Variants in MUC5B observed in about 807,000 individuals in gnomAD.
MUC5B encodes the protein mucin 5B, oligomeric mucus/gel-forming, also known as mucin-5B.
A neutral mutation model predicts 376.9 loss-of-function variants in MUC5B; 116 were observed. The observed-to-expected ratio is 0.31, with a 90% confidence interval of 0.26 to 0.36. The LOEUF is 0.36. Among genes scored for constraint, MUC5B ranks in the 10% least tolerant of loss-of-function variants. MUC5B has a pLI of 1.00. For synonymous variants in MUC5B, 3,517 were observed against 3,390.9 expected, an observed-to-expected ratio of 1.04 and a Z score of -1.29; for missense variants, 7,165 against 7,769.9, an observed-to-expected ratio of 0.92 and a Z score of 2.93.
In MUC5B at chr11:1,243,882, T is replaced by A; in HGVS notation, c.7002T>A (p.Ser2334=). The A allele has an allele frequency of 6.2e-7, 1 of 1,610,744 alleles. No individual in the cohort carries two copies. Among genetic ancestry groups the A allele is most frequent in the Non-Finnish European group, 8.5e-7 (1 of 1,179,278 alleles). The change falls in exon 31 of 49, where the codon TCT becomes TCA. Residue 2334 remains serine, a synonymous_variant. Coordinates refer to ENST00000529681, the MANE Select transcript of MUC5B (RefSeq NM_002458.3). ...LDYSYPMPGP[S]GGDFDTYSNI... ...ACAGCTACCCCATGCCGGGGCCCTC[T>A]GGCGGGGACTTTGACACCTACTCCA...
At chr11:1,230,835 C>T in intron 12 of MUC5B, 101 bp from the exon 13 acceptor site, 2 of 1,369,326 alleles carry the variant, frequency 1.5e-6, no homozygotes, top group East Asian at 2.5e-5. Context: ...TCTCTGTGGG[C>T]TCTGTCCCCA....
rs773170446 is a variant in MUC5B at position 1,251,404 on chromosome 11, C to T, written c.14524C>T (p.Pro4842Ser). The change falls in exon 31 of 49, where the codon CCA becomes TCA. Residue 4842 changes from proline to serine, a missense_variant. Pro to Ser is a moderately conservative substitution (Grantham distance 74). Transcript: ENST00000529681. ...TGSTATLSST[P>S]GTTWILTEPS... Reference sequence around the variant, plus strand: ...ATCCACGGCCACCCTGTCCTCCACCCCAGGGACCACCTGGATCCTCACAGA... The same window carrying T: ...ATCCACGGCCACCCTGTCCTCCACCTCAGGGACCACCTGGATCCTCACAGA... The T allele has an allele frequency of 5.0e-6, 8 of 1,612,606 alleles. No homozygotes were observed. The highest frequency in any genetic ancestry group is 6.8e-6 in the Non-Finnish European group (8 of 1,179,198).
intron 21 of MUC5B, 53 bp from the exon 22 acceptor site, chr11:1,235,032 G>C: frequency 1.3e-6 from 2 of 1,564,980 alleles, no homozygotes; most frequent in Non-Finnish European, 1.7e-6. Context: ...CGGGTCTCAG[G>C]AAGGCCGGGA....
intron 4 of MUC5B, 73 bp from the exon 5 acceptor site, chr11:1,226,958 G>C: frequency 3.2e-6 from 5 of 1,572,092 alleles, no homozygotes; most frequent in Non-Finnish European, 4.3e-6. Context: ...ACCTGGGCCA[G>C]GGCTGGGGGG....
chr11:1,256,548 G>T, intron 38 of MUC5B, 123 bp from the exon 39 acceptor site: 1 of 329,296 alleles, frequency 3.0e-6, no homozygotes, highest in Non-Finnish European at 5.6e-6. Context: ...CCCACCCTGA[G>T]CCCCGCACTC....
chr11:1,236,434 G>A lies in MUC5B; in HGVS notation c.2929G>A (p.Gly977Arg), dbSNP rs1215174906. 8.1e-6 allele frequency: 13 copies of A among 1,612,484 alleles called. No homozygotes were observed. The highest frequency in any genetic ancestry group is 3.3e-5 in the Admixed American group (2 of 59,984). ...QEGTFKAVARGPGGDPPYKIR... is the reference protein window; with the variant it reads ...QEGTFKAVARRPGGDPPYKIR... ...GGGGACCTTTAAGGCGGTGGCGAGAGGGCCGGGTGGGGACCCACCCTACAA... is the reference window on the plus strand; with the variant it reads ...GGGGACCTTTAAGGCGGTGGCGAGAAGGCCGGGTGGGGACCCACCCTACAA... The change falls in exon 24 of 49, where the codon GGG becomes AGG. Residue 977 changes from glycine to arginine, a missense_variant. Coordinates refer to ENST00000529681, the MANE Select transcript of MUC5B (RefSeq NM_002458.3).
chr11:1,232,833 C>G, intron 17 of MUC5B, 63 bp downstream of exon 17: 1 of 1,505,888 alleles, frequency 6.6e-7, no homozygotes, highest in Non-Finnish European at 8.9e-7. Context: ...GGACCCTGGC[C>G]GGCAGCAGCC....
rs989682491 is a variant in MUC5B at position 1,258,989 on chromosome 11, C to T, written c.16641C>T (p.Cys5547=). The T allele has an allele frequency of 3.2e-6, 5 of 1,559,676 alleles. No individual in the cohort carries two copies. In the African/African-American group the frequency reaches 4.1e-5, roughly 13 times the overall value. The change falls in exon 44 of 49, where the codon TGC becomes TGT. Residue 5547 remains cysteine (C), a synonymous_variant. Transcript: ENST00000529681. This position sits in a 1 kb window ranked among gnomAD's most constrained non-coding sequence, Gnocchi z 5.5. The stretch of plus-strand genomic sequence containing the variant: ...CCCTTCCCTGCCACATGTGTACCTG[C>T]CTCTCTGGGGACACCCAGGACCCAA... The part of the protein sequence containing the change: ...PGALPCHMCT[C]LSGDTQDPTV...
In MUC5B at chr11:1,250,877, C is replaced by T; in HGVS notation, c.13997C>T (p.Thr4666Ile). 1 of 1,595,410 alleles carries T rather than the reference C, an allele frequency of 6.3e-7. No homozygotes were observed. Among genetic ancestry groups the T allele is most frequent in the Non-Finnish European group, 8.5e-7 (1 of 1,170,966 alleles). ...ACTGTGGCCACTGGTTCTATGGCAA[C>T]ACCCTCCTCTAGCACACAGACCAGT... ...TTTVATGSMA[T>I]PSSSTQTSGT... The change falls in exon 31 of 49, where the codon ACA (threonine) becomes ATA (isoleucine). Residue 4666 changes from threonine (T) to isoleucine (I), a missense_variant. Physicochemically the swap from Thr to Ile is moderately conservative, Grantham distance 89. Transcript: ENST00000529681.
At position 1,239,647 on chromosome 11, in the gene MUC5B, C is replaced by T. The variant is rs569557479; in HGVS notation, c.3583+81C>T. 764 of 1,507,210 alleles carry T rather than the reference C, an allele frequency of 5.1e-4. 1 individual carries two copies. The highest frequency in any genetic ancestry group is 5.9e-4 in the Non-Finnish European group (665 of 1,128,602). 93.4% of individuals were successfully genotyped at this position (1,507,210 alleles called of 1,614,324 possible). A position where few individuals can be genotyped will look rare whatever the true frequency, so the allele number is the denominator to read the frequency against. On this transcript the variant is annotated intron_variant, in intron 27 of 48. Coordinates refer to ENST00000529681, the MANE Select transcript of MUC5B (RefSeq NM_002458.3). ...GTGGGGGGGCGGGGATCCCCAGGGA[C>T]GCGGTGTAGGCTCCCGTAAACTGCA...
rs373440258 is a variant in MUC5B at position 1,240,264 on chromosome 11, G to C, written c.3859G>C (p.Ala1287Pro). The C allele has an allele frequency of 6.2e-7, 1 of 1,613,634 alleles. No individual in the cohort carries two copies. Among genetic ancestry groups the C allele is most frequent in the Non-Finnish European group, 8.5e-7 (1 of 1,179,692 alleles). ...CGATGGGCTTGGCGCCTGCTTGATCGCCATCTGCGGAAGCAACGGCACCAT... is the reference window on the plus strand; with the variant it reads ...CGATGGGCTTGGCGCCTGCTTGATCCCCATCTGCGGAAGCAACGGCACCAT... ...TTDGLGACLI[A>P]ICGSNGTIIR... The change falls in exon 30 of 49, where the codon GCC becomes CCC. Residue 1287 changes from alanine (A) to proline (P), a missense_variant. Ala to Pro is a conservative substitution (Grantham distance 27). Coordinates refer to ENST00000529681, the MANE Select transcript of MUC5B (RefSeq NM_002458.3).
Position 1,260,032 on chromosome 11 carries a change from G to A in MUC5B, c.16870G>A (p.Val5624Ile), listed in dbSNP as rs745985751. ...TVYLCEAEGG[V>I]HLLTPQPASC... ...GTACCTCTGTGAGGCTGAGGGTGGA[G>A]TCCATTTGCTGACCCCACAGCCTGC... Residue 5624 changes from valine to isoleucine, a missense_variant, in exon 46 of 49, where the codon GTC (valine) becomes ATC (isoleucine). Physicochemically the swap from Val to Ile is conservative, Grantham distance 29. This residue lies in a region of MUC5B where 842 missense variants were observed against 1,016.9 expected (regional missense o/e 0.83). Coordinates refer to ENST00000529681, the MANE Select transcript of MUC5B (RefSeq NM_002458.3). The A allele has an allele frequency of 2.5e-6, 4 of 1,612,808 alleles. No homozygotes were observed. In the South Asian group the frequency reaches 4.4e-5, roughly 18 times the overall value.
rs1862465568 is a variant in MUC5B at position 1,246,323 on chromosome 11, C to T, written c.9443C>T (p.Thr3148Ile). Residue 3148 changes from threonine (T) to isoleucine (I), a missense_variant, in exon 31 of 49, where the codon ACT (threonine) becomes ATT (isoleucine). Around this residue, in one of 31 missense-constraint regions of MUC5B, gnomAD observed 939 missense variants for 770.6 expected, o/e 1.22. Transcript: ENST00000529681. ...LTTAATTTAA[T>I]GPTATPSSTP... ...ACAGCAGCCACTACAACTGCAGCCA[C>T]TGGCCCCACGGCCACCCCGTCCTCC... 2 of 1,601,920 alleles carry T rather than the reference C, an allele frequency of 1.2e-6. No homozygotes were observed. The highest frequency in any genetic ancestry group is 1.7e-6 in the Non-Finnish European group (2 of 1,172,056).
At chr11:1,227,847 G>A (rs756531475) in intron 7 of MUC5B, 66 bp downstream of exon 7, 132 of 660,672 alleles carry the variant, frequency 2.0e-4, no homozygotes, top group Non-Finnish European at 3.2e-4. Context: ...GAGCTGGGCC[G>A]AGGTCTGAGG....
At chr11:1,236,674 G>A in intron 24 of MUC5B, 112 bp downstream of exon 24, 1 of 1,223,606 alleles carries the variant, frequency 8.2e-7, no homozygotes, top group Non-Finnish European at 1.1e-6. Context: ...CGTGAGCCTG[G>A]CTGGTGAGGG....
rs908568773 is a variant in MUC5B, at chr11:1,257,352, A to T, written c.16269+81A>T. 1 of 828,624 alleles carries T rather than the reference A, an allele frequency of 1.2e-6. No individual in the cohort carries two copies. The highest frequency in any genetic ancestry group is 2.1e-6 in the Non-Finnish European group (1 of 467,924). 51.3% of individuals were successfully genotyped at this position (828,624 alleles called of 1,614,324 possible). On this transcript the variant is annotated intron_variant, in intron 40 of 48. Coordinates refer to ENST00000529681, the MANE Select transcript of MUC5B (RefSeq NM_002458.3). This position sits in a 1 kb window ranked among gnomAD's most constrained non-coding sequence, Gnocchi z 8.9. ...GAGGGAAGGAGCATCCCCATCCCACAGGGCAGCTGTGGGGCGCCCGAGTGT... is the reference window on the plus strand; with the variant it reads ...GAGGGAAGGAGCATCCCCATCCCACTGGGCAGCTGTGGGGCGCCCGAGTGT...
rs759193898 is a variant in MUC5B, at chr11:1,251,192, C to A, written c.14312C>A (p.Pro4771His). 5 of 1,611,386 alleles carry A rather than the reference C, an allele frequency of 3.1e-6. No individual in the cohort carries two copies. The East Asian group carries it at 1.1e-4, about 36-fold the overall frequency. ...ACCGTCCCAGCACAGACCACCACAC[C>A]CATGTCCACCATGTCCACAATCCAC... is the stretch of plus-strand genomic sequence containing the variant. Reference protein sequence around the residue: ...TWTVPAQTTTPMSTMSTIHTS... With the variant: ...TWTVPAQTTTHMSTMSTIHTS... Residue 4771 changes from proline (P) to histidine (H), a missense_variant, in exon 31 of 49, where the codon CCC (proline) becomes CAC (histidine). This residue lies in a region of MUC5B where 730 missense variants were observed against 592.7 expected (regional missense o/e 1.23). Transcript: ENST00000529681.
chr11:1,248,739 G>A lies in MUC5B; in HGVS notation c.11859G>A (p.Thr3953=), dbSNP rs111706122. The A allele has an allele frequency of 4.2e-3, 6,609 of 1,556,940 alleles. 48 individuals are homozygous for A. The highest frequency in any genetic ancestry group is 4.4e-3 in the Non-Finnish European group (5,074 of 1,150,876). Residue 3953 remains threonine, a synonymous_variant, in exon 31 of 49, where the codon ACG becomes ACA. Transcript: ENST00000529681. ...CATCACTGATCACCACGGCCACTACGATCACGGCCACCGGCTCCACCACCA... is the reference window on the plus strand; with the variant it reads ...CATCACTGATCACCACGGCCACTACAATCACGGCCACCGGCTCCACCACCA... ...TPPSLITTAT[T]ITATGSTTNP... is the part of the protein sequence containing the mutation.
In MUC5B at chr11:1,251,502, T is replaced by C; in HGVS notation, c.14622T>C (p.Ala4874=). ...TATASSTLGT[A]HTPKVVTTMA... Reference sequence around the variant, plus strand: ...CCGCCTCCTCCACTCTGGGAACAGCTCACACCCCCAAAGTGGTGACCACCA... The same window carrying C: ...CCGCCTCCTCCACTCTGGGAACAGCCCACACCCCCAAAGTGGTGACCACCA... Residue 4874 remains alanine, a synonymous_variant, in exon 31 of 49, where the codon GCT becomes GCC. Transcript: ENST00000529681. 2.6e-6 allele frequency: 4 copies of C among 1,559,848 alleles called. No individual in the cohort carries two copies. The highest frequency in any genetic ancestry group is 3.5e-6 in the Non-Finnish European group (4 of 1,137,270).
Sources: gnomAD v4.1 joint callset for allele counts on GRCh38, gnomAD v4.1.1 for gene constraint, gnomAD v4.1.1 regional missense constraint, Gnocchi (gnomAD v3.1) non-coding constraint, MANE v1.5 for transcripts, NCBI Gene and HGNC (gene_info 2026-07-23, HGNC 2026-07-21) for gene names.